Variants in GRID2 observed in about 807,000 individuals in gnomAD.
GRID2 encodes the protein glutamate receptor ionotropic, delta-2.
In GRID2, 33 loss-of-function variants were observed where a neutral mutation model predicts 114.8. The observed-to-expected ratio is 0.29, with a 90% CI of 0.22 to 0.38. GRID2 has a LOEUF of 0.38. Among genes scored for constraint, GRID2 ranks in the 10% least tolerant of loss-of-function variants. The pLI is 1.00. For missense variants in GRID2, 1,184 were observed against 1,257.7 expected (o/e 0.94, Z 0.89); for synonymous variants, 505 against 449.9 (o/e 1.12, Z -1.55).
chr4:92,352,224 T>A (rs1383370607), intron 1 of GRID2, among the ~76,000 whole-genome samples: 1 of 151,900 alleles, frequency 6.6e-6, no homozygotes, highest in South Asian at 2.1e-4. Flanking sequence ...TGGTTTTGAT[T>A]TACATTACTC....
intron 1 of GRID2, among the ~76,000 whole-genome samples, chr4:92,505,847 CA>C (rs1560676710): frequency 6.6e-6 from 1 of 151,856 alleles, no homozygotes; most frequent in Non-Finnish European, 1.5e-5. Context: ...GTATTGTTCA[CA>C]AAAGAAGAGT....
chr4:92,324,626 CTT>C (rs60318994), intron 1 of GRID2, among the ~76,000 whole-genome samples: 14,131 of 150,932 alleles, frequency 0.094, 1,541 homozygotes, highest in African/African-American at 0.27. Flanking sequence ...CACACACTGA[CTT>C]TGCACAGCAT....
chr4:93,258,776 C>G, intron 8 of GRID2: 2 of 364,870 alleles, frequency 5.5e-6, no homozygotes, highest in South Asian at 4.2e-5. Context: ...CTATAATTAA[C>G]CACTACAACT....
At chr4:93,299,356 A>C (rs1754624034) in intron 8 of GRID2, among the ~76,000 whole-genome samples, 1 of 151,970 alleles carries the variant, frequency 6.6e-6, no homozygotes, top group South Asian at 2.1e-4. Flanking sequence ...TTAACCACAA[A>C]CTGGCTGTTT....
intron 1 of GRID2, among the ~76,000 whole-genome samples, chr4:92,336,119 T>G (rs1376883782): frequency 6.6e-6 from 1 of 152,206 alleles, no homozygotes; most frequent in East Asian, 1.9e-4. Flanking sequence ...TATGTGCATG[T>G]GTGTACACAT....
intron 6 of GRID2, among the ~76,000 whole-genome samples, chr4:93,223,588 A>G (rs1745141358): frequency 6.6e-6 from 1 of 152,172 alleles, no homozygotes; most frequent in Non-Finnish European, 1.5e-5. Flanking sequence ...GTTTTTAGGA[A>G]AAACCGTGAT....
rs571825174 is a variant in GRID2, at chr4:92,931,247, ATAACT to A, written c.245-153744_245-153740del. On this transcript the variant is annotated intron_variant, in intron 2 of 15. Transcript: ENST00000282020. ...ACCATATTAATAGAATAAAGGAGAA[ATAACT>A]TAATAGGCATTAAAAAAAAGCCTGA... 3.5e-4 allele frequency among the ~76,000 whole-genome samples: 53 copies of A among 151,182 alleles called. 1 individual carries two copies. The East Asian group carries it at 8.3e-3, about 24-fold the overall frequency.
intron 2 of GRID2, among the ~76,000 whole-genome samples, chr4:92,962,760 A>C (rs1040920220): frequency 6.6e-6 from 1 of 151,942 alleles, no homozygotes; most frequent in Non-Finnish European, 1.5e-5. Flanking sequence ...AGATCCCCCT[A>C]GAGTTTTTGA....
At chr4:93,554,811 G>A (rs1734146676) in intron 13 of GRID2, among the ~76,000 whole-genome samples, 1 of 152,134 alleles carries the variant, frequency 6.6e-6, no homozygotes. Flanking sequence ...ACGGGAGGTG[G>A]CTGGCAAGAT....
chr4:92,788,481 C>T (rs1739422192), intron 2 of GRID2, among the ~76,000 whole-genome samples: 1 of 151,848 alleles, frequency 6.6e-6, no homozygotes, highest in Non-Finnish European at 1.5e-5. Flanking sequence ...ATAAGATGCA[C>T]ATGTGTTCAT....
At chr4:93,313,231 A>G (rs1422154177) in intron 8 of GRID2, among the ~76,000 whole-genome samples, 3 of 152,184 alleles carry the variant, frequency 2.0e-5, no homozygotes, top group Non-Finnish European at 4.4e-5. Context: ...TCAGAACTAT[A>G]CAGCTTTCAA....
chr4:93,517,908 G>A (rs1436599456), intron 13 of GRID2, among the ~76,000 whole-genome samples: 2 of 146,668 alleles, frequency 1.4e-5, no homozygotes, highest in African/African-American at 2.5e-5. Context: ...ATATGTATGT[G>A]TGTGTGTATG....
intron 2 of GRID2, among the ~76,000 whole-genome samples, chr4:92,957,814 C>T (rs924644510): frequency 1.3e-5 from 2 of 151,762 alleles, no homozygotes; most frequent in African/African-American, 4.8e-5. Context: ...TTATTCAGTC[C>T]TTTTTATATC....
At chr4:92,767,933 T>A (rs919034269) in intron 2 of GRID2, among the ~76,000 whole-genome samples, 10 of 151,066 alleles carry the variant, frequency 6.6e-5, no homozygotes, top group Non-Finnish European at 7.4e-5. Context: ...AAAAAAAAAA[T>A]TTAATAGTGC....
intron 14 of GRID2, among the ~76,000 whole-genome samples, chr4:93,725,348 G>A (rs1336830101): frequency 6.6e-6 from 1 of 152,190 alleles, no homozygotes; most frequent in African/African-American, 2.4e-5. Flanking sequence ...ATTCCATGGT[G>A]TATATGTGCC....
At chr4:93,634,131 A>T (rs1174748780) in intron 14 of GRID2, among the ~76,000 whole-genome samples, 5 of 152,314 alleles carry the variant, frequency 3.3e-5, no homozygotes, top group African/African-American at 1.2e-4. Context: ...AGCAATATCA[A>T]AGTATACATT....
At chr4:93,132,465 T>C (rs1734891491) in intron 4 of GRID2, among the ~76,000 whole-genome samples, 1 of 152,180 alleles carries the variant, frequency 6.6e-6, no homozygotes, top group African/African-American at 2.4e-5. Context: ...AATGAACTAT[T>C]GAAAATCCTT....
intron 13 of GRID2, among the ~76,000 whole-genome samples, chr4:93,558,709 G>C (rs147899023): frequency 6.6e-6 from 1 of 152,098 alleles, no homozygotes; most frequent in Non-Finnish European, 1.5e-5. Context: ...AATAGAAAAC[G>C]AGGGAATCCT....
chr4:92,909,609 A>T (rs1748217397), intron 2 of GRID2, among the ~76,000 whole-genome samples: 1 of 152,148 alleles, frequency 6.6e-6, no homozygotes, highest in Non-Finnish European at 1.5e-5. Context: ...ATTGGTCACC[A>T]TCATGTACCA....
Sources: allele counts gnomAD v4.1 joint callset (sites outside exome capture counted in the v4.1 genomes callset), GRCh38; gene constraint gnomAD v4.1.1; transcripts MANE v1.5; gene names NCBI Gene and HGNC (gene_info 2026-07-23, HGNC 2026-07-21).